The following EYS variants were observed in gnomAD, a reference collection of about 807,000 sequenced individuals.
EYS encodes the protein EGF-like photoreceptor maintenance factor, also known as protein eyes shut homolog.
EYS carries 250 observed loss-of-function variants against 282.1 expected under a neutral mutation model. The ratio of observed to expected loss-of-function variants is 0.89; its 90% CI spans 0.80 to 0.98. The LOEUF is 0.98. EYS is among the 50% of genes least tolerant of loss of function. The pLI, the probability that EYS is intolerant of heterozygous loss-of-function variation, is 0.00. For synonymous variants in EYS, 1,355 were observed against 1,282.9 expected (o/e 1.06, Z -1.20); for missense variants, 4,016 against 3,709.0 (o/e 1.08, Z -2.15).
At chr6:65,183,905 C>T (rs1765452970) in intron 12 of EYS, among the ~76,000 whole-genome samples, 1 of 151,842 alleles carries the variant, frequency 6.6e-6, no homozygotes, top group Non-Finnish European at 1.5e-5. Context: ...CCCAAACAAA[C>T]ATTTTAAGCT....
At chr6:64,213,233 A>C (rs933720271) in intron 31 of EYS, among the ~76,000 whole-genome samples, 1 of 152,092 alleles carries the variant, frequency 6.6e-6, no homozygotes, top group Non-Finnish European at 1.5e-5. Flanking sequence ...GTTAAAAAAA[A>C]TTTCAACATA....
chr6:64,675,732 ATTGGAAAC>A (rs1440699786), intron 22 of EYS, among the ~76,000 whole-genome samples: 1 of 151,808 alleles, frequency 6.6e-6, no homozygotes, highest in East Asian at 2.0e-4. Context: ...CTGGCCTGTG[ATTGGAAAC>A]TTTTCTAGGG....
chr6:64,993,179 T>C (rs141016089), intron 14 of EYS, among the ~76,000 whole-genome samples: 1 of 152,086 alleles, frequency 6.6e-6, no homozygotes, highest in African/African-American at 2.4e-5. Flanking sequence ...AATAAGCGAC[T>C]CTCAAATAAT....
intron 5 of EYS, among the ~76,000 whole-genome samples, chr6:65,461,142 T>C (rs1240814744): frequency 6.6e-6 from 1 of 152,152 alleles, no homozygotes; most frequent in Admixed American, 6.6e-5. Context: ...GTCATATAAA[T>C]GAGGCAACAA....
chr6:64,234,175 T>A (rs1029177085), intron 30 of EYS, among the ~76,000 whole-genome samples: 2 of 152,294 alleles, frequency 1.3e-5, no homozygotes, highest in Non-Finnish European at 2.9e-5. Flanking sequence ...CAAAAATCAC[T>A]GTGTTTGATT....
chr6:63,970,229 G>T (rs1562123996), intron 35 of EYS, among the ~76,000 whole-genome samples: 1 of 152,184 alleles, frequency 6.6e-6, no homozygotes, highest in African/African-American at 2.4e-5. Flanking sequence ...AGAATTTTCA[G>T]ATGACCACTT....
chr6:65,403,286 G>A (rs1766587910), intron 6 of EYS, among the ~76,000 whole-genome samples: 1 of 151,952 alleles, frequency 6.6e-6, no homozygotes, highest in Non-Finnish European at 1.5e-5. Context: ...AAAATAAAAT[G>A]AAATTAAATT....
chr6:64,360,767 C>G (rs559623589), intron 29 of EYS, among the ~76,000 whole-genome samples: 1 of 151,610 alleles, frequency 6.6e-6, no homozygotes, highest in African/African-American at 2.4e-5. Context: ...AATAGAACAC[C>G]AATATTCCTG....
intron 14 of EYS, among the ~76,000 whole-genome samples, chr6:64,976,207 A>G (rs1345167522): frequency 6.6e-6 from 1 of 152,002 alleles, no homozygotes; most frequent in African/African-American, 2.4e-5. Flanking sequence ...CATTGTTCAA[A>G]TATATTCAAC....
intron 5 of EYS, among the ~76,000 whole-genome samples, chr6:65,486,243 T>C (rs996418874): frequency 2.6e-5 from 4 of 152,342 alleles, no homozygotes; most frequent in African/African-American, 9.6e-5. Flanking sequence ...GTAATGGAAC[T>C]AATTTGTTGT....
At chr6:65,347,992 C>T (rs780486306) in intron 9 of EYS, among the ~76,000 whole-genome samples, 21 of 151,552 alleles carry the variant, frequency 1.4e-4, no homozygotes, top group African/African-American at 3.9e-4. Flanking sequence ...TGTCTTTCTG[C>T]GCCTGGCTTA....
intron 24 of EYS, among the ~76,000 whole-genome samples, chr6:64,606,440 ATTAG>A (rs1766940528): frequency 6.6e-6 from 1 of 151,984 alleles, no homozygotes; most frequent in Non-Finnish European, 1.5e-5. Flanking sequence ...ATCAACACAT[ATTAG>A]TTAATATATT....
chr6:64,717,121 A>G (rs1318304318), intron 22 of EYS, among the ~76,000 whole-genome samples: 3 of 152,174 alleles, frequency 2.0e-5, no homozygotes, highest in African/African-American at 4.8e-5. Context: ...ACAAGTGCAT[A>G]GTGTGAGAAA....
At chr6:65,554,030 T>C (rs1768697499) in intron 2 of EYS, among the ~76,000 whole-genome samples, 1 of 152,122 alleles carries the variant, frequency 6.6e-6, no homozygotes, top group Non-Finnish European at 1.5e-5. Context: ...GCTCTGCCTT[T>C]ATGAGAGAAA....
intron 26 of EYS, among the ~76,000 whole-genome samples, chr6:64,570,835 G>A (rs778839774): frequency 1.3e-5 from 2 of 151,976 alleles, no homozygotes; most frequent in Non-Finnish European, 2.9e-5. Context: ...AATAATGGTG[G>A]GAGATTTTAA....
At chr6:64,829,873 G>T (rs1186106843) in intron 19 of EYS, among the ~76,000 whole-genome samples, 1 of 151,906 alleles carries the variant, frequency 6.6e-6, no homozygotes, top group Non-Finnish European at 1.5e-5. Context: ...TAGGTTCCAG[G>T]AATCTAGAGG....
chr6:64,464,884 GT>G (rs2150487854), intron 26 of EYS, among the ~76,000 whole-genome samples: 1 of 151,910 alleles, frequency 6.6e-6, no homozygotes, highest in South Asian at 2.1e-4. Flanking sequence ...AAATAAAAAT[GT>G]TTTATTAAAT....
intron 31 of EYS, among the ~76,000 whole-genome samples, chr6:64,085,292 C>CT (rs1772105882): frequency 6.6e-6 from 1 of 150,554 alleles, no homozygotes; most frequent in South Asian, 2.1e-4. Context: ...CTCTTTCTCT[C>CT]TCCCCCTCCT....
chr6:64,055,407 G>T (rs566002506), intron 33 of EYS, among the ~76,000 whole-genome samples: 1 of 152,134 alleles, frequency 6.6e-6, no homozygotes, highest in South Asian at 2.1e-4. Flanking sequence ...CTATATAGCA[G>T]AAAAATGAGT....
Sources: gnomAD v4.1 joint callset for allele counts (sites outside exome capture counted in the v4.1 genomes callset) on GRCh38, gnomAD v4.1.1 for gene constraint, MANE v1.5 for transcripts, NCBI Gene and HGNC (gene_info 2026-07-23, HGNC 2026-07-21) for gene names.